MYO5C: variants seen among roughly 807,000 people sequenced by gnomAD.
The protein encoded by MYO5C is myosin VC, also known as unconventional myosin-Vc.
Under a neutral mutation model 235.7 loss-of-function variants are expected in MYO5C, and 194 were observed. That is an observed-to-expected ratio of 0.82 (90% confidence interval 0.73 to 0.93). MYO5C has a LOEUF of 0.93. MYO5C is among the 40% of genes least tolerant of loss of function. MYO5C has a pLI of 0.00. For synonymous variants in MYO5C, 707 were observed against 754.8 expected, an observed-to-expected ratio of 0.94 and a Z score of 1.04; for missense variants, 2,038 against 2,127.2, an observed-to-expected ratio of 0.96 and a Z score of 0.82.
At chr15:52,195,492 C>T in intron 39 of MYO5C, 35 bp from the exon 40 acceptor site, 1 of 1,374,756 alleles carries the variant, frequency 7.3e-7, no homozygotes, top group Non-Finnish European at 1.0e-6. Flanking sequence ...TTAGACCATG[C>T]AAAATAATAA....
intron 12 of MYO5C, among the ~76,000 whole-genome samples, chr15:52,252,956 G>C (rs1317102968): frequency 6.6e-6 from 1 of 152,144 alleles, no homozygotes; most frequent in East Asian, 1.9e-4. Flanking sequence ...GATTTTTCTT[G>C]ATGACTCACA....
At position 52,272,520 on chromosome 15, in the gene MYO5C, A is replaced by G. The variant is rs1040867649; in HGVS notation, c.750+60T>C. On this transcript the variant is annotated intron_variant, in intron 6 of 40. Coordinates refer to ENST00000261839, the MANE Select transcript of MYO5C (RefSeq NM_018728.4). ...AGTGTAGCTTGCCTGAGTATGTATA[A>G]TAAGTATGTAAATGTAAATAATGCT... is the stretch of plus-strand genomic sequence containing the variant. 2.6e-6 allele frequency: 4 copies of G among 1,541,896 alleles called. No individual in the cohort carries two copies. In the African/African-American group the frequency reaches 5.5e-5, roughly 21 times the overall value.
intron 35 of MYO5C, among the ~76,000 whole-genome samples, chr15:52,208,899 A>C (rs1270226899): frequency 6.6e-6 from 1 of 152,214 alleles, no homozygotes; most frequent in South Asian, 2.1e-4. Flanking sequence ...GAGAAATGCA[A>C]GTTTCACTTC....
intron 11 of MYO5C, among the ~76,000 whole-genome samples, chr15:52,255,580 G>A (rs1016848851): frequency 6.6e-6 from 1 of 152,242 alleles, no homozygotes; most frequent in Non-Finnish European, 1.5e-5. Context: ...TAGGGCCAAT[G>A]TAGAAAGATG....
chr15:52,270,820 A>C (rs1432447597), intron 7 of MYO5C, among the ~76,000 whole-genome samples: 1 of 152,136 alleles, frequency 6.6e-6, no homozygotes, highest in African/African-American at 2.4e-5. Context: ...TTCATGTGAA[A>C]TCTGGAGAAA....
intron 23 of MYO5C, 83 bp downstream of exon 23, chr15:52,235,587 G>T: frequency 1.9e-6 from 2 of 1,062,118 alleles, no homozygotes; most frequent in Non-Finnish European, 1.4e-6. Flanking sequence ...AGAGACCCCT[G>T]GTTCTAAAAC....
At chr15:52,222,635 G>GCACA (rs56193978) in intron 29 of MYO5C, among the ~76,000 whole-genome samples, 47,398 of 151,834 alleles carry the variant, frequency 0.31, 7,717 homozygotes, top group Middle Eastern at 0.43. Context: ...GGGGTGGTGG[G>GCACA]CAGTGAATGG....
chr15:52,277,096 T>C (rs537705268), intron 4 of MYO5C: 17 of 483,372 alleles, frequency 3.5e-5, no homozygotes, highest in South Asian at 7.5e-5. Context: ...AGAGAGAAGA[T>C]GAAGACTCTG....
At chr15:52,223,862 G>T in intron 28 of MYO5C, 138 bp from the exon 29 acceptor site, 1 of 661,736 alleles carries the variant, frequency 1.5e-6, no homozygotes. Context: ...ACGGTTACAG[G>T]CTACAGAATC....
intron 26 of MYO5C, 82 bp from the exon 27 acceptor site, chr15:52,225,220 C>T: frequency 1.4e-6 from 2 of 1,470,288 alleles, no homozygotes; most frequent in Non-Finnish European, 9.4e-7. Flanking sequence ...GCCCAGTTTT[C>T]TAGCTTCACA....
At chr15:52,256,159 C>A (rs957748077) in intron 11 of MYO5C, among the ~76,000 whole-genome samples, 4 of 152,026 alleles carry the variant, frequency 2.6e-5, no homozygotes, top group African/African-American at 7.3e-5. Context: ...GACAGGCCTG[C>A]GATAAGGAAG....
chr15:52,226,566 T>G (rs939696532), intron 25 of MYO5C, among the ~76,000 whole-genome samples: 1 of 152,244 alleles, frequency 6.6e-6, no homozygotes, highest in East Asian at 1.9e-4. Flanking sequence ...CAAACTGATA[T>G]GTGCTGAGCA....
chr15:52,271,892 C>G lies in MYO5C; in HGVS notation c.751-48G>C. 6 of 1,274,374 alleles carry G rather than the reference C, an allele frequency of 4.7e-6. No homozygotes were observed. The South Asian group carries it at 6.7e-5, about 14-fold the overall frequency. The allele number at this position is 1,274,374 out of a possible 1,614,324, so 78.9% of individuals were successfully genotyped here. On this transcript the variant is annotated intron_variant, in intron 6 of 40. Transcript: ENST00000261839. ...CAAAATTACACCAAATCCTTACAAG[C>G]AAAAATGCCAGGTTTTTAACTAGAG...
At position 52,208,541 on chromosome 15, in the gene MYO5C, G is replaced by C. The variant is rs1172747955; in HGVS notation, c.4386+13C>G. ...TGTCAGCACAAAACAACAAGCAGGT[G>C]GGCGCCCCCTACCTCTTCTCCGCTG... On this transcript the variant is annotated intron_variant, in intron 36 of 40. Transcript: ENST00000261839. 6.2e-7 allele frequency: 1 copy of C among 1,612,540 alleles called. No individual in the cohort carries two copies. Among genetic ancestry groups the C allele is most frequent in the East Asian group, 2.2e-5 (1 of 44,872 alleles).
chr15:52,214,057 A>G (rs1447561718), intron 33 of MYO5C, among the ~76,000 whole-genome samples: 2 of 152,226 alleles, frequency 1.3e-5, no homozygotes, highest in Non-Finnish European at 2.9e-5. Flanking sequence ...GGAAAAGGTA[A>G]TAAAGAATGA....
chr15:52,228,365 A>G (rs1281247110), intron 25 of MYO5C, among the ~76,000 whole-genome samples: 2 of 152,182 alleles, frequency 1.3e-5, no homozygotes, highest in Non-Finnish European at 2.9e-5. Flanking sequence ...GCTGGTCTAG[A>G]ACCCCTGACC....
At chr15:52,220,118 C>CT (rs1337499539) in intron 30 of MYO5C, among the ~76,000 whole-genome samples, 4 of 152,210 alleles carry the variant, frequency 2.6e-5, no homozygotes, top group African/African-American at 9.7e-5. Flanking sequence ...GGCCTATAGG[C>CT]TGCGGCTTGA....
rs773782407 is a variant in MYO5C at position 52,278,894 on chromosome 15, T to A, written c.428A>T (p.Glu143Val). 5 of 1,614,104 alleles carry A rather than the reference T, an allele frequency of 3.1e-6. No homozygotes were observed. The South Asian group carries it at 5.5e-5, about 18-fold the overall frequency. The change falls in exon 4 of 41, where the codon GAG becomes GTG. Residue 143 changes from glutamate to valine, a missense_variant. By Grantham distance (121) the Glu-to-Val change is moderately radical (BLOSUM62 -2). Coordinates refer to ENST00000261839, the MANE Select transcript of MYO5C (RefSeq NM_018728.4). Reference sequence around the variant, plus strand: ...CTACCTGGCCATCTGCTTGTATGCCTCTTCTGCCACGGCAAATATGTGTGG... The same window carrying A: ...CTACCTGGCCATCTGCTTGTATGCCACTTCTGCCACGGCAAATATGTGTGG... ...MDPHIFAVAE[E>V]AYKQMARNNR...
At chr15:52,256,033 T>A (rs2140813931) in intron 11 of MYO5C, among the ~76,000 whole-genome samples, 1 of 152,352 alleles carries the variant, frequency 6.6e-6, no homozygotes, top group South Asian at 2.1e-4. Flanking sequence ...TGCTGTTTAG[T>A]GCTGCATGTG....
Sources: gnomAD v4.1 joint callset for allele counts (sites outside exome capture counted in the v4.1 genomes callset) on GRCh38, gnomAD v4.1.1 for gene constraint, MANE v1.5 for transcripts, NCBI Gene and HGNC (gene_info 2026-07-23, HGNC 2026-07-21) for gene names.